Variants in XRCC3 observed in about 807,000 individuals in gnomAD.
XRCC3 encodes DNA repair protein XRCC3.
A neutral mutation model predicts 29.2 loss-of-function variants in XRCC3; 34 were observed. That is an observed-to-expected ratio of 1.16 (90% CI 0.88 to 1.55). XRCC3 has a LOEUF of 1.55. Among genes scored for constraint, XRCC3 ranks in the 40% most tolerant of loss-of-function variants. XRCC3 has a pLI of 0.00. For missense variants in XRCC3, 463 were observed against 467.6 expected (o/e 0.99, Z 0.09); for synonymous variants, 223 against 211.3 (o/e 1.06, Z -0.48).
chr14:103,708,315 C>T (rs575884595), intron 5 of XRCC3: 2 of 713,642 alleles, frequency 2.8e-6, no homozygotes, highest in Admixed American at 2.4e-5. Flanking sequence ...CAGCCCGTGT[C>T]CACCTCACGC....
intron 5 of XRCC3, 40 bp downstream of exon 5, chr14:103,708,482 C>T (rs796867550): frequency 1.2e-6 from 2 of 1,612,254 alleles, no homozygotes; most frequent in African/African-American, 1.3e-5. Context: ...GATGCTGGAG[C>T]CACATGTCAC....
chr14:103,712,112 C>T (rs1250372022), intron 2 of XRCC3: 2 of 226,966 alleles, frequency 8.8e-6, no homozygotes, highest in African/African-American at 4.6e-5. Context: ...GAGACAGGAA[C>T]AGACTACAGG....
Position 103,698,515 on chromosome 14 carries a change from C to T in XRCC3, c.*283G>A, listed in dbSNP as rs2082769356. 1 of 494,742 alleles carries T rather than the reference C, an allele frequency of 2.0e-6. No homozygotes were observed. The highest frequency in any genetic ancestry group is 2.1e-5 in the South Asian group (1 of 48,334). 30.6% of individuals were successfully genotyped at this position (494,742 alleles called of 1,614,324 possible). ...CTGTAGGACACCCCAGGCTCCAGCCCTGAGAATCACCTCTCCCCAAGGGCC... is the reference window on the plus strand; with the variant it reads ...CTGTAGGACACCCCAGGCTCCAGCCTTGAGAATCACCTCTCCCCAAGGGCC... On this transcript the variant is annotated 3_prime_UTR_variant, in exon 10 of 10. Transcript: ENST00000555055.
At position 103,708,559 on chromosome 14, in the gene XRCC3, C is replaced by T. The variant is rs548048987; in HGVS notation, c.156G>A (p.Thr52=). ...TGCTTCCCCGCAAGTGTAAGGAGGC[C>T]GTTCTCAGCAAGTGCCAGACCTCGG... ...SSPEVWHLLR[T]ASLHLRGSSI... Residue 52 remains threonine (T), a synonymous_variant, in exon 5 of 10, where the codon ACG becomes ACA. Transcript: ENST00000555055. 4.8e-5 allele frequency: 77 copies of T among 1,614,102 alleles called. No homozygotes were observed. In the African/African-American group the frequency reaches 5.2e-4, roughly 11 times the overall value.
At chr14:103,703,945 A>G (rs1450944350) in intron 6 of XRCC3, 1 of 161,708 alleles carries the variant, frequency 6.2e-6, no homozygotes, top group East Asian at 1.8e-4. Context: ...CTTCCTTAAA[A>G]AGTTAAACAA....
Position 103,711,234 on chromosome 14 carries a change from G to C in XRCC3, c.-147C>G. 1 of 825,852 alleles carries C rather than the reference G, an allele frequency of 1.2e-6. No individual in the cohort carries two copies. Among genetic ancestry groups the C allele is most frequent in the Non-Finnish European group, 2.0e-6 (1 of 492,136 alleles). The allele number at this position is 825,852 out of a possible 1,614,324, so 51.2% of individuals were successfully genotyped here. Reference sequence around the variant, plus strand: ...CAGCAGCCGAGGTGTCCGTGTCATCGGGGCTCTGTCACTGAGGGTGGAGGA... The same window carrying C: ...CAGCAGCCGAGGTGTCCGTGTCATCCGGGCTCTGTCACTGAGGGTGGAGGA... On this transcript the variant is annotated 5_prime_UTR_variant, in exon 4 of 10. Transcript: ENST00000555055.
At chr14:103,706,615 C>T (rs1417090777) in intron 6 of XRCC3, 3 of 378,380 alleles carry the variant, frequency 7.9e-6, no homozygotes, top group East Asian at 6.6e-5. Flanking sequence ...CAGGAGCATA[C>T]CTGGCCTGGC....
Position 103,708,583 on chromosome 14 carries a change from G to A in XRCC3, c.132C>T (p.Pro44=), listed in dbSNP as rs3212045. ...CCGTTCTCAGCAAGTGCCAGACCTCGGGGCTGGAGAGGTTGGTCAGTCTCT... is the reference window on the plus strand; with the variant it reads ...CCGTTCTCAGCAAGTGCCAGACCTCAGGGCTGGAGAGGTTGGTCAGTCTCT... ...DLKRLTNLSS[P]EVWHLLRTAS... Residue 44 remains proline (P), a synonymous_variant, in exon 5 of 10, where the codon CCC becomes CCT. Coordinates refer to ENST00000555055, the MANE Select transcript of XRCC3 (RefSeq NM_005432.4). 98 of 1,614,038 alleles carry A rather than the reference G, an allele frequency of 6.1e-5. No homozygotes were observed. The highest frequency in any genetic ancestry group is 2.4e-4 in the African/African-American group (18 of 74,908).
chr14:103,700,917 G>A (rs1310196293), intron 7 of XRCC3, among the ~76,000 whole-genome samples: 2 of 152,210 alleles, frequency 1.3e-5, no homozygotes, highest in African/African-American at 2.4e-5. Flanking sequence ...AGAGTGGGGG[G>A]GTGGGAATGG....
Position 103,698,442 on chromosome 14 carries a change from G to A in XRCC3, c.*356C>T, listed in dbSNP as rs1023965477. On this transcript the variant is annotated 3_prime_UTR_variant, in exon 10 of 10. Coordinates refer to ENST00000555055, the MANE Select transcript of XRCC3 (RefSeq NM_005432.4). ...GGGGCAGGCCTCAGACGCAACCCCA[G>A]TTGGGCTTCCATGTGGAGAGAAGAA... The A allele has an allele frequency of 1.2e-5, 4 of 347,674 alleles. No individual in the cohort carries two copies. Among genetic ancestry groups the A allele is most frequent in the African/African-American group, 8.5e-5 (4 of 47,166 alleles). 21.5% of individuals were successfully genotyped at this position (347,674 alleles called of 1,614,324 possible).
At chr14:103,703,584 C>T (rs2083318641) in intron 6 of XRCC3, 4 of 509,506 alleles carry the variant, frequency 7.9e-6, no homozygotes, top group Non-Finnish European at 1.4e-5. Context: ...CTTCCCCTGT[C>T]CTGGGCCCTG....
chr14:103,706,566 C>A (rs1255445418), intron 6 of XRCC3: 1 of 380,518 alleles, frequency 2.6e-6, no homozygotes, highest in Middle Eastern at 4.0e-4. Context: ...AGGGAACCCT[C>A]GTTTCACAGA....
chr14:103,701,171 C>G lies in XRCC3; in HGVS notation c.562-1595G>C, dbSNP rs776357712. 22 of 1,550,236 alleles carry G rather than the reference C, an allele frequency of 1.4e-5. 1 individual carries two copies. In the South Asian group the frequency reaches 2.6e-4, roughly 18 times the overall value. ...AGTAACACTGTCAGGTTTTGGCGGC[C>G]CAGCCCTGACCTTCTATCTTCTCTT... On this transcript the variant is annotated intron_variant, in intron 7 of 9. Transcript: ENST00000555055.
At chr14:103,700,701 A>G (rs922641284) in intron 7 of XRCC3, 2 of 1,604,788 alleles carry the variant, frequency 1.2e-6, no homozygotes, top group African/African-American at 2.7e-5. Context: ...CAGCAGCAGC[A>G]GTGGCCTGGA....
At chr14:103,703,396 G>C in intron 6 of XRCC3, 69 bp from the exon 7 acceptor site, 1 of 1,478,864 alleles carries the variant, frequency 6.8e-7, no homozygotes, top group Non-Finnish European at 9.1e-7. Flanking sequence ...CACAAATCAA[G>C]TGCAGATGTC....
chr14:103,712,141 G>A (rs971788129), intron 2 of XRCC3: 1 of 187,838 alleles, frequency 5.3e-6, no homozygotes, highest in Non-Finnish European at 1.1e-5. Context: ...GCTGAGGCAC[G>A]CCCCCAGGCA....
intron 6 of XRCC3, 164 bp from the exon 7 acceptor site, chr14:103,703,491 C>T: frequency 1.2e-6 from 1 of 830,938 alleles, no homozygotes; most frequent in African/African-American, 1.7e-5. Flanking sequence ...TTCTCACCCT[C>T]CCACTGGCAG....
chr14:103,699,270 C>A, intron 8 of XRCC3, 91 bp from the exon 9 acceptor site: 1 of 1,540,298 alleles, frequency 6.5e-7, no homozygotes, highest in Non-Finnish European at 8.7e-7. Context: ...CGGAGGCCAC[C>A]TCACTGCCAC....
At chr14:103,706,703 G>A (rs2083448682) in intron 6 of XRCC3, 9 of 464,964 alleles carry the variant, frequency 1.9e-5, no homozygotes, top group Admixed American at 3.4e-5. Flanking sequence ...GCAGCTGTGC[G>A]GAACGTGGGC....
Sources: allele counts gnomAD v4.1 joint callset (sites outside exome capture counted in the v4.1 genomes callset), GRCh38; gene constraint gnomAD v4.1.1; transcripts MANE v1.5; gene names NCBI Gene and HGNC (gene_info 2026-07-23, HGNC 2026-07-21).